The following NUP153 variants were observed in gnomAD, a reference collection of about 807,000 sequenced individuals.
NUP153 encodes the protein nuclear pore complex protein Nup153.
NUP153 carries 27 observed loss-of-function variants against 134.6 expected under a neutral mutation model. The ratio of observed to expected loss-of-function variants is 0.20; its 90% confidence interval spans 0.15 to 0.28. NUP153 has a LOEUF of 0.28. NUP153 is among the 10% of genes least tolerant of loss of function. The pLI is 1.00. For missense variants in NUP153, 1,821 were observed against 1,731.3 expected (o/e 1.05, Z -0.92); for synonymous variants, 640 against 623.5 (o/e 1.03, Z -0.40).
At position 17,696,761 on chromosome 6, in the gene NUP153, AT is replaced by A. The variant is rs11363028; in HGVS notation, c.112-8144del. 5.6e-3 allele frequency among the ~76,000 whole-genome samples: 851 copies of A among 152,064 alleles called. 3 individuals are homozygous for A. The highest frequency in any genetic ancestry group is 0.019 in the African/African-American group (788 of 41,468). On this transcript the variant is annotated intron_variant, in intron 1 of 21. Coordinates refer to ENST00000262077, the MANE Select transcript of NUP153 (RefSeq NM_005124.4). The stretch of plus-strand genomic sequence containing the variant: ...CAGAGCAAGACTCCATCTCAAAAAA[AT>A]AAAACAAATAAATAAAATCTTAAAA...
At chr6:17,697,900 C>T (rs1333734745) in intron 1 of NUP153, among the ~76,000 whole-genome samples, 1 of 152,228 alleles carries the variant, frequency 6.6e-6, no homozygotes, top group East Asian at 1.9e-4. Context: ...TAACCAGAGG[C>T]ATCTTTTCAG....
intron 1 of NUP153, among the ~76,000 whole-genome samples, chr6:17,701,660 CAAAA>C (rs60645337): frequency 7.5e-6 from 1 of 133,288 alleles, no homozygotes; most frequent in Admixed American, 7.7e-5. Flanking sequence ...GACTCCATCT[CAAAA>C]AAAAAAAAAA....
Position 17,680,735 on chromosome 6 carries a change from C to A in NUP153, c.335-4965G>T, listed in dbSNP as rs1282796412. On this transcript the variant is annotated intron_variant, in intron 2 of 21. Coordinates refer to ENST00000262077, the MANE Select transcript of NUP153 (RefSeq NM_005124.4). This position sits in a 1 kb window ranked among gnomAD's most constrained non-coding sequence, Gnocchi z 4.5. Reference sequence around the variant, plus strand: ...ATCCAGAACATAAAAAGTACTCCAACCCCCAGTGAAAATGGCTTTTATCAA... The same window carrying A: ...ATCCAGAACATAAAAAGTACTCCAAACCCCAGTGAAAATGGCTTTTATCAA... 2.0e-5 allele frequency among the ~76,000 whole-genome samples: 3 copies of A among 152,106 alleles called. No homozygotes were observed. Among genetic ancestry groups the A allele is most frequent in the Non-Finnish European group, 2.9e-5 (2 of 68,032 alleles).
intron 11 of NUP153, among the ~76,000 whole-genome samples, chr6:17,659,747 AG>A (rs1432459633): frequency 1.3e-5 from 2 of 152,220 alleles, no homozygotes; most frequent in African/African-American, 4.8e-5. Context: ...CTGGGATTAC[AG>A]GCATGAGCCA....
At chr6:17,620,792 C>T (rs1006191296) in intron 20 of NUP153, among the ~76,000 whole-genome samples, 5 of 152,014 alleles carry the variant, frequency 3.3e-5, no homozygotes, top group Non-Finnish European at 7.4e-5. Context: ...AAAGATAGGA[C>T]CCCCCTGGCC....
intron 16 of NUP153, among the ~76,000 whole-genome samples, chr6:17,636,155 G>A (rs914893734): frequency 1.3e-5 from 2 of 152,102 alleles, no homozygotes; most frequent in Non-Finnish European, 2.9e-5. Context: ...CCAACATGGC[G>A]AAACCCTGTC....
At chr6:17,695,834 C>T (rs151026767) in intron 1 of NUP153, among the ~76,000 whole-genome samples, 10,865 of 152,058 alleles carry the variant, frequency 0.071, 482 homozygotes, top group Admixed American at 0.11. Flanking sequence ...ACGGTGAAAC[C>T]CTGTCTCTAC....
chr6:17,625,150 C>T lies in NUP153; in HGVS notation c.3902-317G>A, dbSNP rs1764863573. Among the ~76,000 whole-genome samples, 1 of 152,124 alleles carries T rather than the reference C, an allele frequency of 6.6e-6. No homozygotes were observed. Among genetic ancestry groups the T allele is most frequent in the Non-Finnish European group, 1.5e-5 (1 of 68,030 alleles). ...AGAAATTTAATGTGTGCAGAAATTG[C>T]CTCATGATGTGCATATATACATTGC... On this transcript the variant is annotated intron_variant, in intron 19 of 21. Transcript: ENST00000262077. The surrounding 1 kb of genome is among the most constrained non-coding windows in gnomAD (Gnocchi z 4.7).
rs371987520 is a variant in NUP153 at position 17,680,125 on chromosome 6, C to T, written c.335-4355G>A. On this transcript the variant is annotated intron_variant, in intron 2 of 21. Transcript: ENST00000262077. This position sits in a 1 kb window ranked among gnomAD's most constrained non-coding sequence, Gnocchi z 4.5. Reference sequence around the variant, plus strand: ...GGAAGAGGATCCTTGAGCCTCACCTCCACTGTTTCCCTTGCGCTCAAGCAC... The same window carrying T: ...GGAAGAGGATCCTTGAGCCTCACCTTCACTGTTTCCCTTGCGCTCAAGCAC... 2.5e-3 allele frequency among the ~76,000 whole-genome samples: 383 copies of T among 152,272 alleles called. 4 individuals carry two copies. Among genetic ancestry groups the T allele is most frequent in the African/African-American group, 8.4e-3 (350 of 41,554 alleles).
intron 20 of NUP153, among the ~76,000 whole-genome samples, chr6:17,622,988 G>A (rs980706542): frequency 1.6e-4 from 24 of 152,076 alleles, no homozygotes; most frequent in African/African-American, 5.8e-4. Context: ...AAATCAGCCA[G>A]GTGTGGTGGC....
In NUP153 at chr6:17,706,466, C is replaced by T; in HGVS notation, c.-79G>A. The T allele has an allele frequency of 8.9e-7, 1 of 1,117,404 alleles. No individual in the cohort carries two copies. Among genetic ancestry groups the T allele is most frequent in the Non-Finnish European group, 1.3e-6 (1 of 780,452 alleles). 69.2% of individuals were successfully genotyped at this position (1,117,404 alleles called of 1,614,324 possible). A position where few individuals can be genotyped will look rare whatever the true frequency, so the allele number is the denominator to read the frequency against. ...AGAGGCGGAGGCCTTAGAGAGCCTC[C>T]CCCGCCGCCCGGCCCCGGCCCAAAA... On this transcript the variant is annotated 5_prime_UTR_variant, in exon 1 of 22. Transcript: ENST00000262077. The surrounding 1 kb of genome is among the most constrained non-coding windows in gnomAD (Gnocchi z 5.9).
At position 17,626,067 on chromosome 6, in the gene NUP153, A is replaced by G. The variant is rs1764932676; in HGVS notation, c.3642T>C (p.Ser1214=). The G allele has an allele frequency of 1.9e-6, 3 of 1,614,072 alleles. No individual in the cohort carries two copies. The East Asian group carries it at 6.7e-5, about 36-fold the overall frequency. Residue 1214 remains serine, a synonymous_variant, in exon 19 of 22, where the codon AGT becomes AGC. Transcript: ENST00000262077. ...CAGGTGGATTGGAGGAAGAGGTGGA[A>G]CTACCAAATATGCCACCACCAGCAG... ...ATSAGGGIFG[S]STSSSNPPVA...
intron 1 of NUP153, among the ~76,000 whole-genome samples, chr6:17,692,391 G>A (rs1769334853): frequency 6.6e-6 from 1 of 152,182 alleles, no homozygotes; most frequent in African/African-American, 2.4e-5. Flanking sequence ...GCACAGGCCT[G>A]TAGTCTTAGC....
Position 17,628,780 on chromosome 6 carries a change from T to C in NUP153, c.3419A>G (p.Gln1140Arg). The change falls in exon 18 of 22, where the codon CAA becomes CGA. Residue 1140 changes from glutamine (Q) to arginine (R), a missense_variant. Transcript: ENST00000262077. This position sits in a 1 kb window ranked among gnomAD's most constrained non-coding sequence, Gnocchi z 5.4. ...QPVFSFGNSE[Q>R]TKDENSSKST... is the part of the protein sequence containing the mutation. ...CTTTGAAGAATTCTCATCTTTGGTT[T>C]GCTCTGAATTCCCAAAGGAAAACAC... The C allele has an allele frequency of 1.2e-6, 2 of 1,614,210 alleles. No homozygotes were observed. The highest frequency in any genetic ancestry group is 1.7e-6 in the Non-Finnish European group (2 of 1,180,030).
chr6:17,652,058 A>C, intron 11 of NUP153: 1 of 377,428 alleles, frequency 2.6e-6, no homozygotes, highest in East Asian at 3.7e-5. Context: ...TCAAAAATAA[A>C]TAAATAAATA....
chr6:17,653,044 G>C (rs551489479), intron 11 of NUP153, among the ~76,000 whole-genome samples: 28 of 152,198 alleles, frequency 1.8e-4, no homozygotes, highest in Non-Finnish European at 4.0e-4. Flanking sequence ...CCTTAGCTCA[G>C]GAGTTTGAGA....
At position 17,678,352 on chromosome 6, in the gene NUP153, C is replaced by CAAAAAAAAAAA. The variant is rs11428582; in HGVS notation, c.335-2593_335-2583dup. Among the ~76,000 whole-genome samples, 28 of 68,222 alleles carry CAAAAAAAAAAA rather than the reference C, an allele frequency of 4.1e-4. 2 individuals carry two copies. Among genetic ancestry groups the CAAAAAAAAAAA allele is most frequent in the African/African-American group, 1.5e-3 (23 of 15,710 alleles). The allele number at this position is 68,222 out of a possible 152,430, so 44.8% of individuals were successfully genotyped here. On this transcript the variant is annotated intron_variant, in intron 2 of 21. Coordinates refer to ENST00000262077, the MANE Select transcript of NUP153 (RefSeq NM_005124.4). ...GCCTGGTTGACAGAACCCTCTGTCT[C>CAAAAAAAAAAA]AAAAAAAAAAAAAAAAAAAAAAAGA...
At chr6:17,657,930 T>C (rs972435579) in intron 11 of NUP153, among the ~76,000 whole-genome samples, 4 of 152,226 alleles carry the variant, frequency 2.6e-5, no homozygotes, top group African/African-American at 9.6e-5. Context: ...CTACTTGCTA[T>C]TTATTTTATA....
At chr6:17,668,418 G>GAT (rs1767683737) in intron 8 of NUP153, among the ~76,000 whole-genome samples, 1 of 151,912 alleles carries the variant, frequency 6.6e-6, no homozygotes, top group Non-Finnish European at 1.5e-5. Flanking sequence ...GTAACAGTAA[G>GAT]CCATAAAGTC....
Sources: gnomAD v4.1 joint callset for allele counts (sites outside exome capture counted in the v4.1 genomes callset) on GRCh38, gnomAD v4.1.1 for gene constraint, Gnocchi (gnomAD v3.1) non-coding constraint, MANE v1.5 for transcripts, NCBI Gene and HGNC (gene_info 2026-07-23, HGNC 2026-07-21) for gene names.